Variants in LOC128706665 observed in about 807,000 individuals in gnomAD.
At chr20:10,421,290 G>A in the LOC128706665 span, among the ~76,000 whole-genome samples, 1 of 151,902 alleles carries the variant, frequency 6.6e-6, no homozygotes, top group African/African-American at 2.4e-5. Context: ...CGGATATGGT[G>A]GCGCATGCCT....
chr20:10,433,127 C>T, the LOC128706665 span, among the ~76,000 whole-genome samples: 1 of 152,258 alleles, frequency 6.6e-6, no homozygotes, highest in East Asian at 1.9e-4. Context: ...CCTCAACCTC[C>T]CAAGTAGCTG....
At chr20:10,423,019 C>A in the LOC128706665 span, among the ~76,000 whole-genome samples, 1 of 152,030 alleles carries the variant, frequency 6.6e-6, no homozygotes, top group African/African-American at 2.4e-5. Flanking sequence ...CCCTTCAAGT[C>A]ACATTACTTT....
At chr20:10,419,440 G>T in the LOC128706665 span, among the ~76,000 whole-genome samples, 1 of 152,064 alleles carries the variant, frequency 6.6e-6, no homozygotes, top group Non-Finnish European at 1.5e-5. Context: ...AATTTCTGCA[G>T]TGAAACTCAA....
At chr20:10,418,246 G>C in the LOC128706665 span, among the ~76,000 whole-genome samples, 1 of 152,202 alleles carries the variant, frequency 6.6e-6, no homozygotes. Flanking sequence ...GATAAAAGAA[G>C]ACTGGCAAAA....
the LOC128706665 span, among the ~76,000 whole-genome samples, chr20:10,421,487 T>C: frequency 6.6e-6 from 1 of 151,770 alleles, no homozygotes; most frequent in Non-Finnish European, 1.5e-5. Context: ...TCCACAAATA[T>C]GCAGTAAGAA....
At chr20:10,433,212 G>C in the LOC128706665 span, among the ~76,000 whole-genome samples, 1 of 152,226 alleles carries the variant, frequency 6.6e-6, no homozygotes, top group Admixed American at 6.5e-5. Flanking sequence ...CGCCACGTTG[G>C]CCTGGCTGGC....
chr20:10,418,412 T>C, the LOC128706665 span, among the ~76,000 whole-genome samples: 2 of 152,206 alleles, frequency 1.3e-5, no homozygotes, highest in African/African-American at 2.4e-5. Context: ...TAATTTTCCA[T>C]AATGAAAATA....
chr20:10,431,516 T>C, the LOC128706665 span, among the ~76,000 whole-genome samples: 1 of 145,386 alleles, frequency 6.9e-6, no homozygotes, highest in African/African-American at 2.7e-5. Flanking sequence ...CTCAATGCTG[T>C]ATAGGGTCAA....
chr20:10,419,268 A>G, the LOC128706665 span, among the ~76,000 whole-genome samples: 1 of 152,310 alleles, frequency 6.6e-6, no homozygotes, highest in East Asian at 1.9e-4. Flanking sequence ...TTACAGGGTC[A>G]CAGTTCTTTA....
At chr20:10,427,143 G>C in the LOC128706665 span, among the ~76,000 whole-genome samples, 1 of 151,036 alleles carries the variant, frequency 6.6e-6, no homozygotes, top group Non-Finnish European at 1.5e-5. Flanking sequence ...GCTGGATCTA[G>C]CCATCAGATT....
the LOC128706665 span, among the ~76,000 whole-genome samples, chr20:10,425,440 A>G: frequency 6.6e-6 from 1 of 152,224 alleles, no homozygotes; most frequent in Non-Finnish European, 1.5e-5. Flanking sequence ...GAATTAACAA[A>G]TTTCTTAAAA....
chr20:10,431,527 AAAACCAAACCAAACCAAACCAAACC>A, the LOC128706665 span, among the ~76,000 whole-genome samples: 25 of 150,844 alleles, frequency 1.7e-4, no homozygotes, highest in African/African-American at 5.4e-4. Flanking sequence ...ATAGGGTCAA[AAAACCAAACCAAACCAAACCAAACC>A]AAACCAAACC....
chr20:10,428,939 G>A, the LOC128706665 span, among the ~76,000 whole-genome samples: 1 of 152,042 alleles, frequency 6.6e-6, no homozygotes. Context: ...CTGTGTCTTT[G>A]GGGTTCTAAC....
At chr20:10,426,295 C>CT in the LOC128706665 span, among the ~76,000 whole-genome samples, 7 of 152,210 alleles carry the variant, frequency 4.6e-5, no homozygotes, top group African/African-American at 1.7e-4. Flanking sequence ...GCAGTACTGT[C>CT]TATCAGGATT....
the LOC128706665 span, among the ~76,000 whole-genome samples, chr20:10,414,291 GT>G: frequency 3.0e-4 from 41 of 135,982 alleles, no homozygotes; most frequent in Middle Eastern, 4.0e-3. Context: ...TTGAGATGGA[GT>G]TTCGCTCTTG....
the LOC128706665 span, among the ~76,000 whole-genome samples, chr20:10,415,742 A>T: frequency 2.6e-5 from 4 of 152,374 alleles, no homozygotes; most frequent in South Asian, 8.3e-4. Flanking sequence ...TTTTCTAGTT[A>T]GAACATTTTC....
chr20:10,430,541 A>C, the LOC128706665 span, among the ~76,000 whole-genome samples: 2 of 152,232 alleles, frequency 1.3e-5, no homozygotes, highest in Non-Finnish European at 2.9e-5. Flanking sequence ...ATTAATGCCC[A>C]AACTAAGGGA....
chr20:10,427,087 G>C, the LOC128706665 span, among the ~76,000 whole-genome samples: 3,321 of 106,454 alleles, frequency 0.031, 113 homozygotes, highest in African/African-American at 0.11. Flanking sequence ...CACAAAGTAA[G>C]GTTAAGGGCA....
chr20:10,420,219 T>C, the LOC128706665 span, among the ~76,000 whole-genome samples: 4 of 152,252 alleles, frequency 2.6e-5, no homozygotes, highest in African/African-American at 9.6e-5. Flanking sequence ...TTGTATAAAT[T>C]TGGACTTTTG....
Sources: gnomAD v4.1 joint callset for allele counts (sites outside exome capture counted in the v4.1 genomes callset) on GRCh38, gnomAD v4.1.1 for gene constraint, MANE v1.5 for transcripts.